Variants in ADAMTS18 observed in about 807,000 individuals in gnomAD.
ADAMTS18 encodes the protein A disintegrin and metalloproteinase with thrombospondin motifs 18.
In ADAMTS18, 157 loss-of-function variants were observed where a neutral mutation model predicts 165.9. The ratio of observed to expected loss-of-function variants is 0.95; its 90% confidence interval spans 0.83 to 1.08. ADAMTS18 has a LOEUF of 1.08. ADAMTS18 is among the 50% of genes least tolerant of loss of function. The pLI is 0.00. For missense variants in ADAMTS18, 2,040 were observed against 1,534.0 expected (o/e 1.33, Z -5.51); for synonymous variants, 782 against 578.2 (o/e 1.35, Z -5.06).
chr16:77,330,644 A>G (rs375514699), intron 12 of ADAMTS18, among the ~76,000 whole-genome samples: 4 of 152,338 alleles, frequency 2.6e-5, no homozygotes, highest in East Asian at 3.9e-4. Flanking sequence ...CCGTCAGTTA[A>G]AACTATTTAC....
At chr16:77,432,058 A>G (rs2057746961) in intron 2 of ADAMTS18, among the ~76,000 whole-genome samples, 1 of 152,242 alleles carries the variant, frequency 6.6e-6, no homozygotes, top group African/African-American at 2.4e-5. Flanking sequence ...CTCTGTGCTT[A>G]AACTGAATCG....
Position 77,359,273 on chromosome 16 carries a change from C to T in ADAMTS18, c.1322+45G>A, listed in dbSNP as rs375428819. 22 of 1,516,408 alleles carry T rather than the reference C, an allele frequency of 1.5e-5. No homozygotes were observed. The African/African-American group carries it at 3.0e-4, about 21-fold the overall frequency. 93.9% of individuals were successfully genotyped at this position (1,516,408 alleles called of 1,614,324 possible). Reference sequence around the variant, plus strand: ...CGGTTAGAGGAACACCAATGAATCACCCAACTAGTTTTCACATAAAGTAGT... The same window carrying T: ...CGGTTAGAGGAACACCAATGAATCATCCAACTAGTTTTCACATAAAGTAGT... On this transcript the variant is annotated intron_variant, in intron 8 of 22. Transcript: ENST00000282849.
At chr16:77,292,541 C>CCAAAGACCGGCTT (rs1197075466) in intron 20 of ADAMTS18, among the ~76,000 whole-genome samples, 1 of 152,162 alleles carries the variant, frequency 6.6e-6, no homozygotes, top group Non-Finnish European at 1.5e-5. Context: ...AGGGTTCTTC[C>CCAAAGACCGGCTT]CAAAGACCGG....
chr16:77,410,061 A>G (rs1418664572), intron 3 of ADAMTS18, among the ~76,000 whole-genome samples: 2 of 152,118 alleles, frequency 1.3e-5, no homozygotes, highest in Admixed American at 1.3e-4. Flanking sequence ...AACTATTTTG[A>G]CTAAAAGCCA....
intron 3 of ADAMTS18, among the ~76,000 whole-genome samples, chr16:77,400,616 G>C (rs896596139): frequency 5.3e-5 from 8 of 151,788 alleles, no homozygotes; most frequent in African/African-American, 1.9e-4. Flanking sequence ...TAAGTAGCTG[G>C]GACTACAGGC....
chr16:77,412,720 A>G (rs1417067358), intron 3 of ADAMTS18, among the ~76,000 whole-genome samples: 1 of 152,132 alleles, frequency 6.6e-6, no homozygotes, highest in East Asian at 1.9e-4. Flanking sequence ...CCCCTTATGA[A>G]ACCATCAGAT....
intron 3 of ADAMTS18, among the ~76,000 whole-genome samples, chr16:77,412,783 T>C (rs1003113866): frequency 1.3e-5 from 2 of 152,126 alleles, no homozygotes; most frequent in East Asian, 3.9e-4. Context: ...AATGCCCCCA[T>C]GATTCAATTA....
Position 77,341,773 on chromosome 16 carries a change from G to A in ADAMTS18, c.1641C>T (p.His547=). 6.2e-7 allele frequency: 1 copy of A among 1,613,244 alleles called. No homozygotes were observed. Among genetic ancestry groups the A allele is most frequent in the Non-Finnish European group, 8.5e-7 (1 of 1,179,632 alleles). ...TGGTCTCACACCTGTGGCCTACTCG[G>A]TGGCACCAAAGTGATTTGCAAATAT... The part of the protein sequence containing the change: ...VKDICKSLWC[H]RVGHRCETKF... Residue 547 remains histidine, a synonymous_variant, in exon 11 of 23, where the codon CAC becomes CAT. Transcript: ENST00000282849.
chr16:77,344,412 C>CAAA (rs761975690), intron 10 of ADAMTS18, among the ~76,000 whole-genome samples: 1 of 151,986 alleles, frequency 6.6e-6, no homozygotes, highest in Non-Finnish European at 1.5e-5. Context: ...AACTGAATCA[C>CAAA]AGTCATCATC....
At chr16:77,320,360 C>G (rs1423829039) in intron 15 of ADAMTS18, among the ~76,000 whole-genome samples, 2 of 152,130 alleles carry the variant, frequency 1.3e-5, no homozygotes, top group Non-Finnish European at 2.9e-5. Flanking sequence ...TCCCAGACCA[C>G]AAAAGGCCAC....
intron 3 of ADAMTS18, among the ~76,000 whole-genome samples, chr16:77,410,635 C>T (rs1017297622): frequency 3.3e-5 from 5 of 152,130 alleles, no homozygotes; most frequent in African/African-American, 9.7e-5. Flanking sequence ...CCAAGTCTCT[C>T]GACCCCCCTA....
chr16:77,375,942 T>C (rs1226704253), intron 3 of ADAMTS18, among the ~76,000 whole-genome samples: 4 of 146,832 alleles, frequency 2.7e-5, no homozygotes, highest in African/African-American at 7.6e-5. Flanking sequence ...TGGCTCTTGT[T>C]GCCCAGTTTG....
chr16:77,319,086 G>A (rs2055939801), intron 16 of ADAMTS18, among the ~76,000 whole-genome samples: 2 of 151,854 alleles, frequency 1.3e-5, no homozygotes, highest in Admixed American at 1.3e-4. Context: ...TCTTACCTGT[G>A]GGGAAGCTAC....
At chr16:77,289,450 A>G (rs759451748) in intron 21 of ADAMTS18, 39 bp from the exon 22 acceptor site, 3 of 1,609,904 alleles carry the variant, frequency 1.9e-6, no homozygotes, top group South Asian at 2.2e-5. Flanking sequence ...GAAACACTCT[A>G]CTGAGGTCAG....
chr16:77,355,707 C>T (rs6564433), intron 9 of ADAMTS18, among the ~76,000 whole-genome samples: 46,839 of 151,910 alleles, frequency 0.31, 8,437 homozygotes, highest in East Asian at 0.57. Flanking sequence ...ATAATAGTAT[C>T]GCTGTGAGGA....
At chr16:77,368,911 T>C (rs2056837998) in intron 3 of ADAMTS18, among the ~76,000 whole-genome samples, 1 of 152,226 alleles carries the variant, frequency 6.6e-6, no homozygotes, top group African/African-American at 2.4e-5. Context: ...ATTTACCAAG[T>C]TGATGGCACA....
intron 20 of ADAMTS18, among the ~76,000 whole-genome samples, chr16:77,292,090 G>C (rs1474167008): frequency 1.3e-5 from 2 of 152,126 alleles, no homozygotes; most frequent in Non-Finnish European, 2.9e-5. Context: ...TGGATCACTT[G>C]AGCCCAGGAG....
intron 7 of ADAMTS18, among the ~76,000 whole-genome samples, chr16:77,361,564 C>G (rs1342039283): frequency 3.9e-5 from 6 of 152,102 alleles, no homozygotes; most frequent in Non-Finnish European, 8.8e-5. Flanking sequence ...TATCTCACAC[C>G]TCAATGATCA....
At chr16:77,289,590 T>A in intron 21 of ADAMTS18, 179 bp from the exon 22 acceptor site, 1 of 717,398 alleles carries the variant, frequency 1.4e-6, no homozygotes, top group Admixed American at 2.4e-5. Flanking sequence ...GTGATCCCTT[T>A]GATCTGATTA....
Sources: allele counts gnomAD v4.1 joint callset (sites outside exome capture counted in the v4.1 genomes callset), GRCh38; gene constraint gnomAD v4.1.1; transcripts MANE v1.5; gene names NCBI Gene and HGNC (gene_info 2026-07-23, HGNC 2026-07-21).